CELF1: variants seen among roughly 807,000 people sequenced by gnomAD.
CELF1 encodes the protein CUGBP Elav-like family member 1.
A neutral mutation model predicts 61.8 loss-of-function variants in CELF1; 10 were observed. The ratio of observed to expected loss-of-function variants is 0.16; its 90% CI spans 0.10 to 0.27. The LOEUF (loss-of-function observed/expected upper bound fraction) is 0.27, where lower values mean the gene tolerates loss of function less well. Ranked by LOEUF, CELF1 falls within the 10% of genes least tolerant of loss-of-function variation. The pLI is 1.00. For missense variants in CELF1, 380 were observed against 639.1 expected (o/e 0.59, Z 4.37); for synonymous variants, 236 against 225.1 (o/e 1.05, Z -0.43).
At chr11:47,536,352 C>T (rs188481470) in intron 1 of CELF1, among the ~76,000 whole-genome samples, 5 of 151,970 alleles carry the variant, frequency 3.3e-5, no homozygotes, top group African/African-American at 9.7e-5. Flanking sequence ...GGCGACAAGG[C>T]GAGATTGTCA....
At chr11:47,545,031 A>G (rs778164838) in intron 1 of CELF1, among the ~76,000 whole-genome samples, 1 of 152,100 alleles carries the variant, frequency 6.6e-6, no homozygotes, top group Non-Finnish European at 1.5e-5. Context: ...GCCTGTAATC[A>G]CAACACTTTG....
At chr11:47,553,909 A>ATTTGTT (rs1382036239), upstream of CELF1, among the ~76,000 whole-genome samples, 1 of 151,818 alleles carries the variant, frequency 6.6e-6, no homozygotes, top group African/African-American at 2.4e-5. Flanking sequence ...AAGCAGTACA[A>ATTTGTT]TTTGTTGTTG....
In CELF1 at chr11:47,496,769, A is replaced by T. The variant is rs183889052; in HGVS notation, c.71+2684T>A. Among the ~76,000 whole-genome samples, 3 of 152,316 alleles carry T rather than the reference A, an allele frequency of 2.0e-5. No individual in the cohort carries two copies. The East Asian group carries it at 5.8e-4, about 29-fold the overall frequency. On this transcript the variant is annotated intron_variant, in intron 3 of 14. Coordinates refer to ENST00000687097, the MANE Select transcript of CELF1 (RefSeq NM_001376376.1). ...GACTTGAGAAAGTTGTGGGCAGAGTACAGAAACAGAGAAGAGATCATACTA... is the reference window on the plus strand; with the variant it reads ...GACTTGAGAAAGTTGTGGGCAGAGTTCAGAAACAGAGAAGAGATCATACTA...
At chr11:47,520,771 ACT>A (rs1244529475) in intron 1 of CELF1, among the ~76,000 whole-genome samples, 1 of 152,130 alleles carries the variant, frequency 6.6e-6, no homozygotes, top group Admixed American at 6.5e-5. Context: ...AGATTGTGCC[ACT>A]GCCCTCCAGC....
At chr11:47,551,926 G>C (rs1431015367) in intron 1 of CELF1, among the ~76,000 whole-genome samples, 1 of 151,776 alleles carries the variant, frequency 6.6e-6, no homozygotes, top group African/African-American at 2.4e-5. Context: ...GCTGAGGCAG[G>C]AGAATTGCTT....
intron 2 of CELF1, among the ~76,000 whole-genome samples, chr11:47,561,704 G>A (rs948598891): frequency 2.6e-5 from 4 of 152,062 alleles, no homozygotes; most frequent in Non-Finnish European, 4.4e-5. Flanking sequence ...ACCTATGTCC[G>A]TAAGTTGTAT....
At chr11:47,519,760 G>A (rs1222152709) in intron 1 of CELF1, among the ~76,000 whole-genome samples, 1 of 151,986 alleles carries the variant, frequency 6.6e-6, no homozygotes, top group African/African-American at 2.4e-5. Context: ...CTACTCGGGA[G>A]GCTGAGGCAG....
chr11:47,545,655 T>C (rs1258422018), intron 1 of CELF1, among the ~76,000 whole-genome samples: 1 of 152,126 alleles, frequency 6.6e-6, no homozygotes, highest in African/African-American at 2.4e-5. Flanking sequence ...TTCTTCTTTT[T>C]TTAGTAGAAA....
chr11:47,467,215 C>T lies in CELF1; in HGVS notation c.*5015G>A, dbSNP rs1193768459. The T allele has an allele frequency of 2.0e-5, 3 of 152,612 alleles. No homozygotes were observed. The highest frequency in any genetic ancestry group is 4.4e-5 in the Non-Finnish European group (3 of 68,426). The allele number at this position is 152,612 out of a possible 1,614,324, so 9.5% of individuals were successfully genotyped here. On this transcript the variant is annotated 3_prime_UTR_variant, in exon 15 of 15. Coordinates refer to ENST00000687097, the MANE Select transcript of CELF1 (RefSeq NM_001376376.1). ...CTATCATCAGCTCCTCCCCCTGTAA[C>T]CTCTTCCCTCCACAGATCCACCCTG...
At position 47,530,916 on chromosome 11, in the gene CELF1, T is replaced by C. The variant is rs1239322436; in HGVS notation, c.-154+22076A>G. 5.9e-5 allele frequency among the ~76,000 whole-genome samples: 9 copies of C among 151,930 alleles called. No individual in the cohort carries two copies. In the South Asian group the frequency reaches 6.2e-4, roughly 11 times the overall value. ...GCTACAGTGAGCCACAATCATGCCATTGCACTCCAAGCCTGGGCGACAAAG... is the reference window on the plus strand; with the variant it reads ...GCTACAGTGAGCCACAATCATGCCACTGCACTCCAAGCCTGGGCGACAAAG... On this transcript the variant is annotated intron_variant, in intron 1 of 14. Coordinates refer to ENST00000687097, the MANE Select transcript of CELF1 (RefSeq NM_001376376.1).
Position 47,478,821 on chromosome 11 carries a change from T to C in CELF1, c.844+56A>G. The C allele has an allele frequency of 5.1e-6, 7 of 1,385,362 alleles. No homozygotes were observed. In the South Asian group the frequency reaches 7.2e-5, roughly 14 times the overall value. The allele number at this position is 1,385,362 out of a possible 1,614,324, so 85.8% of individuals were successfully genotyped here. ...GATGCCAAACTCCCAAGACTGTTGT[T>C]AGCTGGGTCTGCTGGCCTGGGTGCT... On this transcript the variant is annotated intron_variant, in intron 10 of 14. Coordinates refer to ENST00000687097, the MANE Select transcript of CELF1 (RefSeq NM_001376376.1).
intron 2 of CELF1, 156 bp from the exon 3 acceptor site, chr11:47,499,760 C>G (rs1047143523): frequency 2.0e-5 from 10 of 505,124 alleles, no homozygotes; most frequent in African/African-American, 1.9e-4. Context: ...GCCCAGCACA[C>G]AATGAAAGTG....
chr11:47,489,943 T>TTTTTTTTTTTTTTTTTTTG lies in CELF1; in HGVS notation c.72-920_72-919insCAAAAAAAAAAAAAAAAAA, dbSNP rs1433606711. Among the ~76,000 whole-genome samples the TTTTTTTTTTTTTTTTTTTG allele has an allele frequency of 1.7e-5, 2 of 116,038 alleles. 1 individual carries two copies. Among genetic ancestry groups the TTTTTTTTTTTTTTTTTTTG allele is most frequent in the African/African-American group, 6.6e-5 (2 of 30,450 alleles). The allele number at this position is 116,038 out of a possible 152,430, so 76.1% of individuals were successfully genotyped here. A position where few individuals can be genotyped will look rare whatever the true frequency, so the allele number is the denominator to read the frequency against. ...TCAGAACATACCATCTTGTTTTTTTTTTTTTTTTTTTTGAGACGGAATTTC... is the reference window on the plus strand; with the variant it reads ...TCAGAACATACCATCTTGTTTTTTTTTTTTTTTTTTTTTTTTTTGTTTTTTTTTTTTGAGACGGAATTTC... On this transcript the variant is annotated intron_variant, in intron 3 of 14. Coordinates refer to ENST00000687097, the MANE Select transcript of CELF1 (RefSeq NM_001376376.1).
At chr11:47,478,439 A>G (rs1193431828) in intron 10 of CELF1, among the ~76,000 whole-genome samples, 1 of 152,254 alleles carries the variant, frequency 6.6e-6, no homozygotes, top group East Asian at 1.9e-4. Flanking sequence ...AGAAACAAGA[A>G]GATACACAGG....
intron 1 of CELF1, among the ~76,000 whole-genome samples, chr11:47,513,357 C>G (rs1198286969): frequency 6.6e-6 from 1 of 152,132 alleles, no homozygotes; most frequent in African/African-American, 2.4e-5. Flanking sequence ...TGTAAAGTTT[C>G]TATGAACTTT....
chr11:47,517,612 T>C (rs1441935509), intron 1 of CELF1, among the ~76,000 whole-genome samples: 2 of 152,130 alleles, frequency 1.3e-5, no homozygotes, highest in Non-Finnish European at 2.9e-5. Context: ...GGTGGAACAG[T>C]GGTTGAATTG....
At chr11:47,565,042 T>A (rs2097240410) in intron 1 of CELF1, among the ~76,000 whole-genome samples, 1 of 152,060 alleles carries the variant, frequency 6.6e-6, no homozygotes, top group Non-Finnish European at 1.5e-5. Flanking sequence ...CACCCTGGGA[T>A]CAGGCCCTCA....
intron 1 of CELF1, chr11:47,513,464 CTTT>C (rs35845903): frequency 2.1e-5 from 2 of 94,904 alleles, no homozygotes; most frequent in Admixed American, 1.1e-4. Context: ...AGCACCCCCT[CTTT>C]TTTTTTTTTT....
chr11:47,482,519 T>C (rs2083944827), intron 9 of CELF1, 176 bp downstream of exon 9: 1 of 531,400 alleles, frequency 1.9e-6, no homozygotes, highest in South Asian at 2.9e-5. Context: ...GATACATATA[T>C]ATAGAGAGAG....
Sources: gnomAD v4.1 joint callset for allele counts (sites outside exome capture counted in the v4.1 genomes callset) on GRCh38, gnomAD v4.1.1 for gene constraint, MANE v1.5 for transcripts, NCBI Gene and HGNC (gene_info 2026-07-23, HGNC 2026-07-21) for gene names.